Variants in ZNF469 observed in about 807,000 individuals in gnomAD.
ZNF469 encodes zinc finger protein 469.
In ZNF469, 1 loss-of-function variant was observed where a neutral mutation model predicts 1.0. The observed-to-expected ratio is 1.00, with a 90% CI of 0.35 to 4.73. The LOEUF is 4.73. Ranked by LOEUF, ZNF469 falls within the 30% of genes most tolerant of loss-of-function variation. ZNF469 has a pLI of 0.16. For synonymous variants in ZNF469, 2,703 were observed against 2,363.4 expected, an observed-to-expected ratio of 1.14 and a Z score of -4.17; for missense variants, 6,100 against 5,356.3, an observed-to-expected ratio of 1.14 and a Z score of -4.33.
the ZNF469 span, among the ~76,000 whole-genome samples, chr16:88,185,063 ACACT>A: frequency 5.3e-4 from 79 of 148,928 alleles, no homozygotes; most frequent in East Asian, 4.6e-3. Flanking sequence ...CCACGCACAG[ACACT>A]CACACCCACG....
chr16:88,428,222 C>T lies in ZNF469; in HGVS notation c.752C>T (p.Pro251Leu). Residue 251 changes from proline (P) to leucine (L), a missense_variant, in exon 3 of 3, where the codon CCC becomes CTC. By Grantham distance (98) the Pro-to-Leu change is moderately conservative. Coordinates refer to ENST00000565624, the MANE Select transcript of ZNF469 (RefSeq NM_001367624.2). The stretch of plus-strand genomic sequence containing the variant: ...TTCCCAGGTGCTAATTTCGGGGTTC[C>T]CCCCGCCGAGCCGGAACCTATTCCC... ...NSFPGANFGV[P>L]PAEPEPIPKG... 1 of 1,550,312 alleles carries T rather than the reference C, an allele frequency of 6.5e-7. No homozygotes were observed. The highest frequency in any genetic ancestry group is 8.7e-7 in the Non-Finnish European group (1 of 1,146,938).
intron 1 of ZNF469, among the ~76,000 whole-genome samples, chr16:88,401,957 TGG>T (rs1904890431): frequency 2.6e-5 from 1 of 39,124 alleles, no homozygotes; most frequent in South Asian, 5.1e-4. Flanking sequence ...GATGGGAAGA[TGG>T]ATGGGTGGAT....
chr16:88,358,040 G>A, the ZNF469 span, among the ~76,000 whole-genome samples: 4 of 152,234 alleles, frequency 2.6e-5, no homozygotes, highest in Non-Finnish European at 4.4e-5. Flanking sequence ...ACATGGACAC[G>A]CGGGGGGCTG....
intron 1 of ZNF469, among the ~76,000 whole-genome samples, chr16:88,398,303 C>T (rs978070060): frequency 3.9e-5 from 6 of 151,964 alleles, no homozygotes; most frequent in East Asian, 1.9e-4. Flanking sequence ...TGAAGGGCGA[C>T]GTGAGTCACA....
chr16:88,323,485 C>T, the ZNF469 span, among the ~76,000 whole-genome samples: 697 of 152,344 alleles, frequency 4.6e-3, 6 homozygotes, highest in African/African-American at 0.016. Context: ...AGCAAAGGCC[C>T]CAGGACAGGC....
chr16:88,145,919 G>A, the ZNF469 span, among the ~76,000 whole-genome samples: 1 of 152,372 alleles, frequency 6.6e-6, no homozygotes, highest in African/African-American at 2.4e-5. Flanking sequence ...AGGGCCCAGC[G>A]GTCCGGCCTC....
At chr16:88,116,242 T>C in the ZNF469 span, among the ~76,000 whole-genome samples, 1 of 152,066 alleles carries the variant, frequency 6.6e-6, no homozygotes, top group East Asian at 1.9e-4. Context: ...CCAGCAGCTG[T>C]CGGGAAACGC....
chr16:88,436,046 T>C lies in ZNF469; in HGVS notation c.8576T>C (p.Phe2859Ser). 3.9e-6 allele frequency: 6 copies of C among 1,550,272 alleles called. No homozygotes were observed. Among genetic ancestry groups the C allele is most frequent in the Non-Finnish European group, 5.2e-6 (6 of 1,146,982 alleles). The change falls in exon 3 of 3, where the codon TTC becomes TCC. Residue 2859 changes from phenylalanine (F) to serine (S), a missense_variant. Phe to Ser is a radical substitution (Grantham distance 155, BLOSUM62 -2). Coordinates refer to ENST00000565624, the MANE Select transcript of ZNF469 (RefSeq NM_001367624.2). ...AGCTTGTTTGATGATGAGGTCTCTTTCTCCCAGCTCTTCCCTCCAGGCGGT... is the reference window on the plus strand; with the variant it reads ...AGCTTGTTTGATGATGAGGTCTCTTCCTCCCAGCTCTTCCCTCCAGGCGGT... The part of the protein sequence containing the change: ...PPSLFDDEVS[F>S]SQLFPPGGRL...
chr16:88,361,046 C>T, the ZNF469 span, among the ~76,000 whole-genome samples: 2 of 152,128 alleles, frequency 1.3e-5, no homozygotes, highest in Admixed American at 1.3e-4. Flanking sequence ...TCAGTAGGAA[C>T]CCTGAGCTTG....
In ZNF469 at chr16:88,396,932, CTGAAGGGAGGCCAGGAGGAGACCCTCA is replaced by C. The variant is rs1567500217; in HGVS notation, c.-192+13705_-192+13731del. On this transcript the variant is annotated intron_variant, in intron 1 of 2. Coordinates refer to ENST00000565624, the MANE Select transcript of ZNF469 (RefSeq NM_001367624.2). ...GAAGGGAGGCCGGGAGGAGACCCGT[CTGAAGGGAGGCCAGGAGGAGACCCTCA>C]TGAAGGGAGGCCAGGAGGAGACCCT... Among the ~76,000 whole-genome samples the C allele has an allele frequency of 1.1e-4, 6 of 53,408 alleles. No individual in the cohort carries two copies. The East Asian group carries it at 2.2e-3, about 19-fold the overall frequency. 35.0% of individuals were successfully genotyped at this position (53,408 alleles called of 152,430 possible).
At chr16:88,410,258 TCA>T (rs1243893357) in intron 1 of ZNF469, among the ~76,000 whole-genome samples, 1 of 146,596 alleles carries the variant, frequency 6.8e-6, no homozygotes, top group East Asian at 2.0e-4. Context: ...ATGGTGCAGG[TCA>T]CACAGTTCAC....
At chr16:88,351,568 C>T in the ZNF469 span, among the ~76,000 whole-genome samples, 1 of 152,176 alleles carries the variant, frequency 6.6e-6, no homozygotes, top group African/African-American at 2.4e-5. Flanking sequence ...CTGTGATGTC[C>T]CCGTGTCCTC....
At chr16:88,238,948 T>C in the ZNF469 span, among the ~76,000 whole-genome samples, 21 of 152,358 alleles carry the variant, frequency 1.4e-4, no homozygotes, top group Admixed American at 1.4e-3. Context: ...CTGCCCAGCT[T>C]CAGGAGATAC....
At chr16:88,384,844 C>G (rs564412372) in intron 1 of ZNF469, among the ~76,000 whole-genome samples, 237 of 152,222 alleles carry the variant, frequency 1.6e-3, no homozygotes, top group African/African-American at 5.6e-3. Context: ...CAGTCTCCAC[C>G]AGACCCTGCC....
chr16:88,399,037 C>T (rs1904781533), intron 1 of ZNF469, among the ~76,000 whole-genome samples: 1 of 152,266 alleles, frequency 6.6e-6, no homozygotes, highest in African/African-American at 2.4e-5. Context: ...ACGTAACAAG[C>T]AGCCCCACTG....
chr16:88,409,428 G>A (rs1321796498), intron 1 of ZNF469, among the ~76,000 whole-genome samples: 1 of 152,132 alleles, frequency 6.6e-6, no homozygotes, highest in East Asian at 1.9e-4. Context: ...GAGTCCTCAG[G>A]GCAGCAGCCA....
At position 88,386,525 on chromosome 16, in the gene ZNF469, C is replaced by T. The variant is rs1280460285; in HGVS notation, c.-192+3271C>T. Among the ~76,000 whole-genome samples the T allele has an allele frequency of 5.9e-5, 9 of 152,152 alleles. No homozygotes were observed. The South Asian group carries it at 1.9e-3, about 32-fold the overall frequency. ...CTGGTGTCCCATCTACCCTGCAAGGCCATCCCCCTTGACGAAGGGGCCCTA... is the reference window on the plus strand; with the variant it reads ...CTGGTGTCCCATCTACCCTGCAAGGTCATCCCCCTTGACGAAGGGGCCCTA... On this transcript the variant is annotated intron_variant, in intron 1 of 2. Transcript: ENST00000565624.
At chr16:88,140,476 G>T in the ZNF469 span, among the ~76,000 whole-genome samples, 1 of 132,264 alleles carries the variant, frequency 7.6e-6, no homozygotes, top group Non-Finnish European at 1.5e-5. Flanking sequence ...AGCACGGAAA[G>T]TCAGTGACAA....
chr16:88,254,865 G>T, the ZNF469 span, among the ~76,000 whole-genome samples: 1 of 151,934 alleles, frequency 6.6e-6, no homozygotes, highest in African/African-American at 2.4e-5. Flanking sequence ...CTAGAGTTTT[G>T]ATTGCAAATG....
Sources: gnomAD v4.1 joint callset for allele counts (sites outside exome capture counted in the v4.1 genomes callset) on GRCh38, gnomAD v4.1.1 for gene constraint, MANE v1.5 for transcripts, NCBI Gene and HGNC (gene_info 2026-07-23, HGNC 2026-07-21) for gene names.